The following RAF1 variants were observed in gnomAD, a reference collection of about 807,000 sequenced individuals.
The protein encoded by RAF1 is Raf-1 proto-oncogene, serine/threonine kinase, also known as RAF proto-oncogene serine/threonine-protein kinase.
RAF1 carries 27 observed loss-of-function variants against 81.1 expected under a neutral mutation model. That is an observed-to-expected ratio of 0.33 (90% CI 0.25 to 0.46). The LOEUF (loss-of-function observed/expected upper bound fraction) is 0.46, where lower values mean the gene tolerates loss of function less well. RAF1 is among the 20% of genes least tolerant of loss of function. The pLI is 1.00. For synonymous variants in RAF1, 298 were observed against 294.0 expected, an observed-to-expected ratio of 1.01 and a Z score of -0.14; for missense variants, 598 against 826.0, an observed-to-expected ratio of 0.72 and a Z score of 3.38.
chr3:12,609,394 TAAC>T (rs1363024398), intron 3 of RAF1, 59 bp from the exon 4 acceptor site: 38 of 1,093,506 alleles, frequency 3.5e-5, no homozygotes, highest in African/African-American at 2.6e-4. Flanking sequence ...TCAATAGAAA[TAAC>T]AACAGCTACC....
chr3:12,660,929 G>A (rs1032472368), intron 1 of RAF1, among the ~76,000 whole-genome samples: 2 of 152,086 alleles, frequency 1.3e-5, no homozygotes, highest in African/African-American at 4.8e-5. Context: ...AGCCAAGATC[G>A]CACCACTGCG....
intron 1 of RAF1, 119 bp downstream of exon 1, chr3:12,663,694 T>C: frequency 2.6e-6 from 1 of 389,790 alleles, no homozygotes; most frequent in Non-Finnish European, 4.5e-6. Context: ...CCAAGCCCTC[T>C]GCCCGGCAGC....
At chr3:12,596,630 C>A (rs2058694685) in intron 11 of RAF1, among the ~76,000 whole-genome samples, 1 of 152,174 alleles carries the variant, frequency 6.6e-6, no homozygotes, top group Admixed American at 6.5e-5. Context: ...GCTTTACTTC[C>A]ATAAGTGGGT....
In RAF1 at chr3:12,639,453, G is replaced by A. The variant is rs186967974; in HGVS notation, c.-26-20706C>T. On this transcript the variant is annotated intron_variant, in intron 1 of 17. Coordinates refer to ENST00000442415, the MANE Select transcript of RAF1 (RefSeq NM_001354689.3). ...AATTGTCCCTGTTTGCAGATGACAT[G>A]ATTGTATATTTAGAAAACCTCATCG... is the stretch of plus-strand genomic sequence containing the variant. 3.1e-3 allele frequency among the ~76,000 whole-genome samples: 465 copies of A among 152,264 alleles called. 3 individuals are homozygous for A. The highest frequency in any genetic ancestry group is 0.01 in the African/African-American group (433 of 41,550).
At chr3:12,659,278 A>G (rs1233555167) in intron 1 of RAF1, among the ~76,000 whole-genome samples, 5 of 151,590 alleles carry the variant, frequency 3.3e-5, no homozygotes, top group Non-Finnish European at 5.9e-5. Context: ...AAATACAAAA[A>G]TTAGCCAGGC....
At chr3:12,600,760 C>T (rs2058837481) in intron 8 of RAF1, among the ~76,000 whole-genome samples, 3 of 152,250 alleles carry the variant, frequency 2.0e-5, no homozygotes, top group African/African-American at 7.2e-5. Flanking sequence ...CAGGGCTTCG[C>T]CATGTTGGCC....
At chr3:12,623,797 CAAAAAAAAAAAAAA>C (rs71063844) in intron 1 of RAF1, among the ~76,000 whole-genome samples, 1 of 121,696 alleles carries the variant, frequency 8.2e-6, no homozygotes, top group Non-Finnish European at 1.7e-5. Context: ...GACTCTGTCT[CAAAAAAAAAAAAAA>C]AAAAAAAAGA....
Position 12,612,071 on chromosome 3 carries a change from A to G in RAF1, c.208-9T>C. 1 of 1,611,208 alleles carries G rather than the reference A, an allele frequency of 6.2e-7. No homozygotes were observed. The highest frequency in any genetic ancestry group is 8.5e-7 in the Non-Finnish European group (1 of 1,177,386). ...CCATTTCGCACATTGACCTACAAAC[A>G]AAGGACCACCTTTAGGACCAACACA... On this transcript the variant is annotated splice_polypyrimidine_tract_variant and intron_variant, in intron 2 of 17. Transcript: ENST00000442415.
At chr3:12,661,652 G>A (rs2060881316) in intron 1 of RAF1, among the ~76,000 whole-genome samples, 3 of 152,036 alleles carry the variant, frequency 2.0e-5, no homozygotes, top group South Asian at 2.1e-4. Flanking sequence ...GCAGTGAGCC[G>A]AGATCGCATC....
intron 15 of RAF1, 103 bp from the exon 15 acceptor site, chr3:12,585,356 C>T (rs2058298185): frequency 6.4e-7 from 1 of 1,571,518 alleles, no homozygotes; most frequent in African/African-American, 1.3e-5. Flanking sequence ...TGAATGAGTC[C>T]ATTCTTCAGT....
chr3:12,587,613 G>T lies in RAF1; in HGVS notation c.1455C>A (p.Ile485=). The stretch of plus-strand genomic sequence containing the variant: ...TACTGTTGGATTTCATGTCTCTATG[G>T]ATGATGTTCTTTGCATGCAAATAGC... The change falls in exon 14 of 18, where the codon ATC becomes ATA. Residue 485 remains isoleucine (I), a synonymous_variant. Coordinates refer to ENST00000442415, the MANE Select transcript of RAF1 (RefSeq NM_001354689.3). The T allele has an allele frequency of 6.2e-7, 1 of 1,610,346 alleles. No homozygotes were observed. Among genetic ancestry groups the T allele is most frequent in the Non-Finnish European group, 8.5e-7 (1 of 1,176,612 alleles).
chr3:12,584,674 G>C lies in RAF1; in HGVS notation c.1864-17C>G, dbSNP rs745773290. 6.2e-7 allele frequency: 1 copy of C among 1,614,064 alleles called. No homozygotes were observed. The highest frequency in any genetic ancestry group is 1.1e-5 in the South Asian group (1 of 91,080). On this transcript the variant is annotated splice_polypyrimidine_tract_variant and intron_variant, in intron 17 of 17. Transcript: ENST00000442415. ...AGACAGGATCTGAAACAAAGCCCAA[G>C]AATGCTCTCATTAGCTGTGTCTCAA... is the stretch of plus-strand genomic sequence containing the variant.
intron 1 of RAF1, among the ~76,000 whole-genome samples, chr3:12,655,000 A>ACG (rs1553624717): frequency 1.6e-5 from 2 of 128,120 alleles, no homozygotes; most frequent in Admixed American, 1.6e-4. Context: ...ACATAGTGAG[A>ACG]CCCCCCCCCC....
chr3:12,592,993 G>A (rs952844350), intron 11 of RAF1, among the ~76,000 whole-genome samples: 14 of 151,676 alleles, frequency 9.2e-5, no homozygotes, highest in Admixed American at 3.3e-4. Flanking sequence ...TCCCACCTCG[G>A]CCTCCCAAAG....
At chr3:12,631,835 T>C (rs2059871706) in intron 1 of RAF1, among the ~76,000 whole-genome samples, 1 of 152,152 alleles carries the variant, frequency 6.6e-6, no homozygotes, top group African/African-American at 2.4e-5. Context: ...TGTAGAAGTT[T>C]TCCTGCTAGC....
chr3:12,642,671 T>TACACACACACACACACAC (rs71063856), intron 1 of RAF1, among the ~76,000 whole-genome samples: 39 of 117,058 alleles, frequency 3.3e-4, no homozygotes, highest in African/African-American at 8.8e-4. Flanking sequence ...ACACCATCTC[T>TACACACACACACACACAC]ACACACACAC....
At chr3:12,634,839 T>A (rs879279194) in intron 1 of RAF1, among the ~76,000 whole-genome samples, 2 of 152,142 alleles carry the variant, frequency 1.3e-5, no homozygotes, top group African/African-American at 2.4e-5. Flanking sequence ...CTGTGCTAGG[T>A]CTTCAGATAC....
chr3:12,610,660 G>A (rs1316293675), intron 3 of RAF1, among the ~76,000 whole-genome samples: 3 of 152,152 alleles, frequency 2.0e-5, no homozygotes, highest in East Asian at 1.9e-4. Context: ...TCACCCCTTC[G>A]AGTAGATTCA....
At chr3:12,621,429 A>C (rs2059553144) in intron 1 of RAF1, among the ~76,000 whole-genome samples, 1 of 152,224 alleles carries the variant, frequency 6.6e-6, no homozygotes, top group African/African-American at 2.4e-5. Flanking sequence ...CACATGCCCA[A>C]ATCAAGAGGG....
Sources: gnomAD v4.1 joint callset for allele counts (sites outside exome capture counted in the v4.1 genomes callset) on GRCh38, gnomAD v4.1.1 for gene constraint, MANE v1.5 for transcripts, NCBI Gene and HGNC (gene_info 2026-07-23, HGNC 2026-07-21) for gene names.